Variants in WDR24 observed in about 807,000 individuals in gnomAD.
WDR24 encodes the protein GATOR2 complex protein WDR24.
WDR24 carries 32 observed loss-of-function variants against 66.7 expected under a neutral mutation model. The observed-to-expected ratio is 0.48, with a 90% CI of 0.36 to 0.64. WDR24 has a LOEUF of 0.64. WDR24 is among the 30% of genes least tolerant of loss of function. The pLI, the probability that WDR24 is intolerant of heterozygous loss-of-function variation, is 0.00. For synonymous variants in WDR24, 565 were observed against 469.1 expected, an observed-to-expected ratio of 1.20 and a Z score of -2.64; for missense variants, 978 against 1,144.1, an observed-to-expected ratio of 0.85 and a Z score of 2.09.
rs780229873 is a variant in WDR24 at position 685,665 on chromosome 16, G to A, written c.1678+14C>T. On this transcript the variant is annotated intron_variant, in intron 6 of 8. Transcript: ENST00000293883. ...TCCGCCTCTGAACCCCACCCTGCCC[G>A]GACCCCCACTCACGGTGCGCGTGTT... 7 of 1,612,526 alleles carry A rather than the reference G, an allele frequency of 4.3e-6. No homozygotes were observed. The highest frequency in any genetic ancestry group is 4.5e-5 in the East Asian group (2 of 44,880).
chr16:684,664 G>C lies in WDR24; in HGVS notation c.*70C>G. 6.7e-7 allele frequency: 1 copy of C among 1,482,580 alleles called. No individual in the cohort carries two copies. The highest frequency in any genetic ancestry group is 2.3e-5 in the Admixed American group (1 of 43,664). 91.8% of individuals were successfully genotyped at this position (1,482,580 alleles called of 1,614,324 possible). ...ATTGAGGTCTCAAGTTCCAGCCTCC[G>C]CCCGTCTCGGGCACAAGACCAGGCG... On this transcript the variant is annotated 3_prime_UTR_variant, in exon 9 of 9. Transcript: ENST00000293883.
intron 1 of WDR24, chr16:687,995 G>C: frequency 1.6e-6 from 1 of 641,760 alleles, no homozygotes; most frequent in East Asian, 3.2e-5. Context: ...TCTGCATCCT[G>C]CATCGGTCCA....
At chr16:686,627 G>T in intron 3 of WDR24, 117 bp downstream of exon 3, 1 of 1,302,086 alleles carries the variant, frequency 7.7e-7, no homozygotes. Context: ...AGGCCTGTTG[G>T]TGCGACTGGC....
chr16:689,018 T>G, intron 1 of WDR24, 142 bp downstream of exon 1: 1 of 1,377,268 alleles, frequency 7.3e-7, no homozygotes, highest in East Asian at 2.4e-5. Flanking sequence ...ATCCCTCCCC[T>G]GCCGATTCCC....
At position 690,332 on chromosome 16, in the gene WDR24, T is replaced by TC. The variant is rs762838525; in HGVS notation, c.-693dup. The stretch of plus-strand genomic sequence containing the variant: ...ACCAGAGGGCCCGGGGCAGCCCTTC[T>TC]CCCCCGCGCGAACCCCAATCTTTTA... On this transcript the variant is annotated 5_prime_UTR_variant, in exon 1 of 9. Coordinates refer to ENST00000293883, the MANE Select transcript of WDR24 (RefSeq NM_032259.4). 4.6e-5 allele frequency: 21 copies of TC among 455,694 alleles called. No individual in the cohort carries two copies. The highest frequency in any genetic ancestry group is 8.4e-5 in the Non-Finnish European group (19 of 226,532). The allele number at this position is 455,694 out of a possible 1,614,324, so 28.2% of individuals were successfully genotyped here.
In WDR24 at chr16:689,182, C is replaced by T. The variant is rs1467108461; in HGVS notation, c.459G>A (p.Lys153=). The change falls in exon 1 of 9, where the codon AAG becomes AAA. Residue 153 remains lysine, a synonymous_variant. Transcript: ENST00000293883. ...GFMKCFDLRR[K]DSVSTFSGQS... is the part of the protein sequence containing the mutation. ...CACCCGAGAAGGTGCTGACAGAGTCCTTTCTGCGGAGGTCAAAGCACTTCA... is the reference window on the plus strand; with the variant it reads ...CACCCGAGAAGGTGCTGACAGAGTCTTTTCTGCGGAGGTCAAAGCACTTCA... 4 of 1,613,662 alleles carry T rather than the reference C, an allele frequency of 2.5e-6. No individual in the cohort carries two copies. The highest frequency in any genetic ancestry group is 1.3e-5 in the African/African-American group (1 of 75,072).
In WDR24 at chr16:685,337, G is replaced by A; in HGVS notation, c.1939C>T (p.Gln647Ter). The change falls in exon 7 of 9, where the codon CAG becomes TAG. Residue 647 changes from glutamine (Q) to a stop codon, truncating the protein, a stop_gained. Transcript: ENST00000293883. LOFTEE classifies it high-confidence loss of function. ...GACACAGCCATCTGCACGTCGCCCT[G>A]CTCAGCGTAGAAGTGCAGCATGTCG... Reference protein sequence around the residue: ...VRDMLHFYAEQGDVQMAVSVL... With the variant: ...VRDMLHFYAE 6.2e-7 allele frequency: 1 copy of A among 1,609,698 alleles called. No homozygotes were observed. The highest frequency in any genetic ancestry group is 8.5e-7 in the Non-Finnish European group (1 of 1,179,598).
At position 685,855 on chromosome 16, in the gene WDR24, C is replaced by G; in HGVS notation, c.1573+14G>C. ...ACCCCTCTCCCATCAGCACCCCTAC[C>G]CACCCCAGCCTACCCTCATTGGTGA... is the stretch of plus-strand genomic sequence containing the variant. On this transcript the variant is annotated intron_variant, in intron 5 of 8. Coordinates refer to ENST00000293883, the MANE Select transcript of WDR24 (RefSeq NM_032259.4). 6.2e-7 allele frequency: 1 copy of G among 1,613,238 alleles called. No homozygotes were observed. The highest frequency in any genetic ancestry group is 8.5e-7 in the Non-Finnish European group (1 of 1,180,002).
chr16:684,729 C>T lies in WDR24; in HGVS notation c.*5G>A, dbSNP rs777566466. On this transcript the variant is annotated 3_prime_UTR_variant, in exon 9 of 9. Coordinates refer to ENST00000293883, the MANE Select transcript of WDR24 (RefSeq NM_032259.4). Reference sequence around the variant, plus strand: ...GCCGCCCGGGCAAGCCCAGCAGATGCCCCGTCAGGAGTACTCGCAGAGGTG... The same window carrying T: ...GCCGCCCGGGCAAGCCCAGCAGATGTCCCGTCAGGAGTACTCGCAGAGGTG... 1.3e-6 allele frequency: 2 copies of T among 1,585,562 alleles called. No individual in the cohort carries two copies. The highest frequency in any genetic ancestry group is 2.3e-5 in the East Asian group (1 of 43,666).
Position 685,102 on chromosome 16 carries a change from C to G in WDR24, c.2094G>C (p.Lys698Asn), listed in dbSNP as rs747552035. Residue 698 changes from lysine (K) to asparagine (N), a missense_variant, in exon 8 of 9, where the codon AAG becomes AAC. Physicochemically the swap from Lys to Asn is moderately conservative, Grantham distance 94. Transcript: ENST00000293883. ...AGCTGACGGCGCGGCTGGTGCTCAGCTTGACCACCTCGTTGGACACGTTCC... is the reference window on the plus strand; with the variant it reads ...AGCTGACGGCGCGGCTGGTGCTCAGGTTGACCACCTCGTTGGACACGTTCC... ...RLWNVSNEVV[K>N]LSTSRAVSCL... is the part of the protein sequence containing the mutation. The G allele has an allele frequency of 3.2e-6, 5 of 1,556,518 alleles. No individual in the cohort carries two copies. In the East Asian group the frequency reaches 1.2e-4, roughly 38 times the overall value.
rs2039860772 is a variant in WDR24, at chr16:684,629, T to C, written c.*105A>G. On this transcript the variant is annotated 3_prime_UTR_variant, in exon 9 of 9. Coordinates refer to ENST00000293883, the MANE Select transcript of WDR24 (RefSeq NM_032259.4). ...TGACACGCAGTGCCGACAGCGGCTC[T>C]ACTTCCTTTATTGAGGTCTCAAGTT... 4.8e-6 allele frequency: 7 copies of C among 1,446,244 alleles called. No individual in the cohort carries two copies. In the Admixed American group the frequency reaches 1.3e-4, roughly 27 times the overall value. 89.6% of individuals were successfully genotyped at this position (1,446,244 alleles called of 1,614,324 possible). A position where few individuals can be genotyped will look rare whatever the true frequency, so the allele number is the denominator to read the frequency against.
chr16:689,143 T>G lies in WDR24; in HGVS notation c.481+17A>C. The G allele has an allele frequency of 6.2e-7, 1 of 1,611,204 alleles. No homozygotes were observed. The highest frequency in any genetic ancestry group is 8.5e-7 in the Non-Finnish European group (1 of 1,178,322). On this transcript the variant is annotated intron_variant, in intron 1 of 8. Coordinates refer to ENST00000293883, the MANE Select transcript of WDR24 (RefSeq NM_032259.4). The stretch of plus-strand genomic sequence containing the variant: ...GCAGAGACGCCCACCTGCCCTGACC[T>G]GCCTCTGTGGCCTCACCCGAGAAGG...
In WDR24 at chr16:686,712, C is replaced by A; in HGVS notation, c.1332+32G>T. ...ACCAGCCCCTGCCCTGAGGTCGTGG[C>A]CCAGGGACCCCCAGGCTCAGCACCT... On this transcript the variant is annotated intron_variant, in intron 3 of 8. Transcript: ENST00000293883. 4 of 1,556,620 alleles carry A rather than the reference C, an allele frequency of 2.6e-6. 1 individual carries two copies. The South Asian group carries it at 4.8e-5, about 19-fold the overall frequency.
chr16:690,367 C>A lies in WDR24; in HGVS notation c.-727G>T, dbSNP rs1306620670. On this transcript the variant is annotated 5_prime_UTR_variant, in exon 1 of 9. Transcript: ENST00000293883. The stretch of plus-strand genomic sequence containing the variant: ...GAACCCCAATCTTTTACTAAAAGCG[C>A]ACGGTTGTCCGGAACCGCCGCGCCG... 5 of 456,546 alleles carry A rather than the reference C, an allele frequency of 1.1e-5. No homozygotes were observed. The highest frequency in any genetic ancestry group is 2.2e-5 in the Non-Finnish European group (5 of 226,954). The allele number at this position is 456,546 out of a possible 1,614,324, so 28.3% of individuals were successfully genotyped here.
rs532957184 is a variant in WDR24 at position 690,356 on chromosome 16, T to C, written c.-716A>G. 1.8e-4 allele frequency: 83 copies of C among 456,638 alleles called. No homozygotes were observed. Among genetic ancestry groups the C allele is most frequent in the African/African-American group, 1.3e-3 (67 of 50,206 alleles). The allele number at this position is 456,638 out of a possible 1,614,324, so 28.3% of individuals were successfully genotyped here. ...CTCCCCCGCGCGAACCCCAATCTTT[T>C]ACTAAAAGCGCACGGTTGTCCGGAA... is the stretch of plus-strand genomic sequence containing the variant. On this transcript the variant is annotated 5_prime_UTR_variant, in exon 1 of 9. Coordinates refer to ENST00000293883, the MANE Select transcript of WDR24 (RefSeq NM_032259.4).
At position 689,875 on chromosome 16, in the gene WDR24, G is replaced by T; in HGVS notation, c.-235C>A. 3 of 736,900 alleles carry T rather than the reference G, an allele frequency of 4.1e-6. No individual in the cohort carries two copies. Among genetic ancestry groups the T allele is most frequent in the Non-Finnish European group, 7.2e-6 (3 of 419,388 alleles). 45.6% of individuals were successfully genotyped at this position (736,900 alleles called of 1,614,324 possible). On this transcript the variant is annotated 5_prime_UTR_variant, in exon 1 of 9. Transcript: ENST00000293883. The stretch of plus-strand genomic sequence containing the variant: ...GTCCAGCCCATCACCCTGGCTGAGC[G>T]GTGAGGGGACTTCCTAGCTTCCCTT...
At position 685,685 on chromosome 16, in the gene WDR24, C is replaced by T. The variant is rs773406638; in HGVS notation, c.1672G>A (p.Ala558Thr). The change falls in exon 6 of 9, where the codon GCG becomes ACG. Residue 558 changes from alanine (A) to threonine (T), a missense_variant. This residue lies in a region of WDR24 where 676 missense variants were observed against 617.5 expected (regional missense o/e 1.09). Coordinates refer to ENST00000293883, the MANE Select transcript of WDR24 (RefSeq NM_032259.4). ...TGCCCGGACCCCCACTCACGGTGCG[C>T]GTGTTCCGGATCCAGCAGGTACAGC... ...DELYLLDPEH[A>T]HPEDPECVLP... 1.4e-5 allele frequency: 22 copies of T among 1,613,070 alleles called. No homozygotes were observed. Among genetic ancestry groups the T allele is most frequent in the Non-Finnish European group, 1.8e-5 (21 of 1,180,012 alleles).
At position 687,926 on chromosome 16, in the gene WDR24, C is replaced by G. The variant is rs541577098; in HGVS notation, c.482-187G>C. On this transcript the variant is annotated intron_variant, in intron 1 of 8. Coordinates refer to ENST00000293883, the MANE Select transcript of WDR24 (RefSeq NM_032259.4). ...CAGAGTCGCCACAAGAGCCTGGGCC[C>G]GGGAGCAGGACACCACGTGATTTGT... 88 of 762,334 alleles carry G rather than the reference C, an allele frequency of 1.2e-4. 2 individuals are homozygous for G. In the South Asian group the frequency reaches 1.3e-3, roughly 11 times the overall value. The allele number at this position is 762,334 out of a possible 1,614,324, so 47.2% of individuals were successfully genotyped here.
At position 685,078 on chromosome 16, in the gene WDR24, G is replaced by A; in HGVS notation, c.2118C>T (p.Ser706=). The A allele has an allele frequency of 6.4e-7, 1 of 1,557,386 alleles. No homozygotes were observed. The highest frequency in any genetic ancestry group is 8.7e-7 in the Non-Finnish European group (1 of 1,151,448). Residue 706 remains serine, a synonymous_variant, in exon 8 of 9, where the codon AGC becomes AGT. Coordinates refer to ENST00000293883, the MANE Select transcript of WDR24 (RefSeq NM_032259.4). ...VVKLSTSRAV[S]CLNQASTTLH... is the part of the protein sequence containing the mutation. ...GGGTGGTGGAGGCCTGGTTGAGGCAGCTGACGGCGCGGCTGGTGCTCAGCT... is the reference window on the plus strand; with the variant it reads ...GGGTGGTGGAGGCCTGGTTGAGGCAACTGACGGCGCGGCTGGTGCTCAGCT...
Sources: allele counts gnomAD v4.1 joint callset, GRCh38; gene constraint gnomAD v4.1.1; regional missense constraint gnomAD v4.1.1; transcripts MANE v1.5; gene names NCBI Gene and HGNC (gene_info 2026-07-23, HGNC 2026-07-21).